VAV3: variants seen among roughly 807,000 people sequenced by gnomAD.
VAV3 encodes vav guanine nucleotide exchange factor 3.
Under a neutral mutation model 131.2 loss-of-function variants are expected in VAV3, and 94 were observed. The ratio of observed to expected loss-of-function variants is 0.72; its 90% CI spans 0.61 to 0.85. VAV3 has a LOEUF of 0.85. Among genes scored for constraint, VAV3 ranks in the 40% least tolerant of loss-of-function variants. The probability of loss-of-function intolerance (pLI) is 0.00; values close to 1 mark genes in which losing one functional copy is unlikely to be tolerated. For synonymous variants in VAV3, 349 were observed against 342.0 expected, an observed-to-expected ratio of 1.02 and a Z score of -0.22; for missense variants, 939 against 1,002.7, an observed-to-expected ratio of 0.94 and a Z score of 0.86.
intron 1 of VAV3, among the ~76,000 whole-genome samples, chr1:107,948,405 G>C (rs916156839): frequency 3.3e-5 from 5 of 152,144 alleles, no homozygotes; most frequent in Non-Finnish European, 7.3e-5. Flanking sequence ...CCTGCATTTA[G>C]ACTGGTTCTG....
chr1:107,926,621 C>A (rs557495291), intron 1 of VAV3, among the ~76,000 whole-genome samples: 1 of 152,004 alleles, frequency 6.6e-6, no homozygotes, highest in African/African-American at 2.4e-5. Flanking sequence ...GAGAGAGAAT[C>A]TGTGCACATG....
At chr1:107,746,052 T>TTAA (rs1663325143) in intron 15 of VAV3, among the ~76,000 whole-genome samples, 1 of 152,028 alleles carries the variant, frequency 6.6e-6, no homozygotes, top group African/African-American at 2.4e-5. Context: ...CAAAAAGGAG[T>TTAA]ACTACAGATT....
At chr1:107,960,322 C>T (rs984714281) in intron 1 of VAV3, among the ~76,000 whole-genome samples, 2 of 152,058 alleles carry the variant, frequency 1.3e-5, no homozygotes, top group Admixed American at 6.5e-5. Context: ...AAAAAGTAGC[C>T]GGGAGTAGTG....
At chr1:107,814,988 T>A (rs1282716807) in intron 2 of VAV3, among the ~76,000 whole-genome samples, 1 of 152,134 alleles carries the variant, frequency 6.6e-6, no homozygotes. Flanking sequence ...CCAGAAAATG[T>A]ATGAGAGAGC....
intron 10 of VAV3, among the ~76,000 whole-genome samples, chr1:107,758,307 C>T (rs1184644941): frequency 1.3e-5 from 2 of 152,154 alleles, no homozygotes; most frequent in African/African-American, 4.8e-5. Flanking sequence ...TGGTGACTCA[C>T]ACCTGTAATC....
intron 10 of VAV3, among the ~76,000 whole-genome samples, chr1:107,759,478 T>C (rs1019560592): frequency 5.3e-5 from 8 of 152,166 alleles, no homozygotes; most frequent in Non-Finnish European, 1.0e-4. Flanking sequence ...AGTAAAAAAG[T>C]CTAAACTGAT....
intron 2 of VAV3, among the ~76,000 whole-genome samples, chr1:107,802,436 C>T (rs61797416): frequency 0.1 from 15,349 of 151,908 alleles, 896 homozygotes; most frequent in Non-Finnish European, 0.13. Context: ...AGCAAAAAGG[C>T]CTTCAATTTT....
At chr1:107,675,213 TA>T (rs1658110949) in intron 19 of VAV3, among the ~76,000 whole-genome samples, 1 of 152,184 alleles carries the variant, frequency 6.6e-6, no homozygotes, top group Non-Finnish European at 1.5e-5. Flanking sequence ...TACATAGCAA[TA>T]GAAAATACAG....
chr1:107,877,597 T>C (rs1670565215), intron 1 of VAV3, among the ~76,000 whole-genome samples: 1 of 152,206 alleles, frequency 6.6e-6, no homozygotes, highest in Admixed American at 6.5e-5. Context: ...TACTTGTCCC[T>C]TAACTAGTTC....
intron 2 of VAV3, among the ~76,000 whole-genome samples, chr1:107,808,803 AGTT>A (rs1376384833): frequency 2.0e-5 from 3 of 152,192 alleles, no homozygotes; most frequent in African/African-American, 7.2e-5. Flanking sequence ...GAACAAATGA[AGTT>A]TTTTTCCAAC....
At chr1:107,588,320 G>A (rs901265093) in intron 25 of VAV3, among the ~76,000 whole-genome samples, 3 of 152,206 alleles carry the variant, frequency 2.0e-5, no homozygotes, top group African/African-American at 7.2e-5. Flanking sequence ...TTAGTCCATA[G>A]AATAGTGTGT....
intron 15 of VAV3, among the ~76,000 whole-genome samples, chr1:107,707,473 A>G (rs372050215): frequency 2.0e-5 from 3 of 152,194 alleles, no homozygotes; most frequent in Non-Finnish European, 4.4e-5. Flanking sequence ...TGTTCAATCA[A>G]TGTTGGCTAC....
chr1:107,831,445 G>C (rs973804210), intron 2 of VAV3, among the ~76,000 whole-genome samples: 1 of 152,096 alleles, frequency 6.6e-6, no homozygotes, highest in Non-Finnish European at 1.5e-5. Flanking sequence ...CAAATAAGTA[G>C]AAATTTTTCT....
chr1:107,822,487 T>C (rs1027961059), intron 2 of VAV3, among the ~76,000 whole-genome samples: 1 of 151,968 alleles, frequency 6.6e-6, no homozygotes, highest in South Asian at 2.1e-4. Context: ...ATCCCGTCTC[T>C]ATTAAAAATA....
intron 20 of VAV3, among the ~76,000 whole-genome samples, chr1:107,623,965 T>C (rs1041812205): frequency 1.3e-5 from 2 of 152,192 alleles, no homozygotes; most frequent in African/African-American, 4.8e-5. Context: ...TGAAATTAAA[T>C]TTACCTTCAA....
At chr1:107,734,652 A>G (rs1341482438) in intron 15 of VAV3, among the ~76,000 whole-genome samples, 1 of 152,230 alleles carries the variant, frequency 6.6e-6, no homozygotes, top group Admixed American at 6.5e-5. Flanking sequence ...TTCAACAAGA[A>G]GAGCTAACTA....
chr1:107,581,091 A>G (rs1650016365), intron 25 of VAV3, among the ~76,000 whole-genome samples: 1 of 152,218 alleles, frequency 6.6e-6, no homozygotes, highest in Non-Finnish European at 1.5e-5. Flanking sequence ...TTGTTCTGGA[A>G]GCTTCTTGAA....
In VAV3 at chr1:107,642,607, C is replaced by A. The variant is rs1307309912; in HGVS notation, c.1914+12G>T. 6.2e-7 allele frequency: 1 copy of A among 1,611,362 alleles called. No homozygotes were observed. Among genetic ancestry groups the A allele is most frequent in the East Asian group, 2.2e-5 (1 of 44,774 alleles). ...GGTCTGCATCAGGACCCCTTTCCTG[C>A]AACAACAGTACCTGCCAAAACAGAC... On this transcript the variant is annotated intron_variant, in intron 20 of 26. Coordinates refer to ENST00000370056, the MANE Select transcript of VAV3 (RefSeq NM_006113.5).
chr1:107,845,365 A>G (rs1283185184), intron 2 of VAV3, among the ~76,000 whole-genome samples: 1 of 152,226 alleles, frequency 6.6e-6, no homozygotes, highest in Non-Finnish European at 1.5e-5. Context: ...AAAGGCTGAA[A>G]ATACCAAAAA....
Sources: gnomAD v4.1 joint callset for allele counts (sites outside exome capture counted in the v4.1 genomes callset) on GRCh38, gnomAD v4.1.1 for gene constraint, MANE v1.5 for transcripts, NCBI Gene and HGNC (gene_info 2026-07-23, HGNC 2026-07-21) for gene names.